The following PALS2 variants were observed in gnomAD, a reference collection of about 807,000 sequenced individuals.
PALS2 encodes protein associated with LIN7 2, MAGUK p55 family member.
Under a neutral mutation model 61.6 loss-of-function variants are expected in PALS2, and 27 were observed. The ratio of observed to expected loss-of-function variants is 0.44; its 90% CI spans 0.32 to 0.60. The LOEUF is 0.60. Ranked by LOEUF, PALS2 falls within the 20% of genes least tolerant of loss-of-function variation. The probability of loss-of-function intolerance (pLI) is 0.05; values close to 1 mark genes in which losing one functional copy is unlikely to be tolerated. For missense variants in PALS2, 554 were observed against 639.4 expected (o/e 0.87, Z 1.44); for synonymous variants, 236 against 218.6 (o/e 1.08, Z -0.70).
intron 1 of PALS2, among the ~76,000 whole-genome samples, chr7:24,616,625 A>C (rs1417023187): frequency 6.6e-6 from 1 of 152,116 alleles, no homozygotes; most frequent in African/African-American, 2.4e-5. Flanking sequence ...CATCCAGTTT[A>C]TATTTTTTAA....
chr7:24,667,179 A>C (rs921240454), intron 8 of PALS2, among the ~76,000 whole-genome samples: 1 of 152,162 alleles, frequency 6.6e-6, no homozygotes, highest in Admixed American at 6.5e-5. Context: ...TAATATTTCA[A>C]ATCATCACTT....
At chr7:24,587,808 A>G (rs1479836364) in intron 1 of PALS2, among the ~76,000 whole-genome samples, 1 of 152,138 alleles carries the variant, frequency 6.6e-6, no homozygotes, top group Non-Finnish European at 1.5e-5. Context: ...ACATCTTACA[A>G]CCATGACCAT....
chr7:24,652,435 A>G (rs1048603350), intron 5 of PALS2, among the ~76,000 whole-genome samples: 2 of 151,878 alleles, frequency 1.3e-5, no homozygotes, highest in African/African-American at 4.8e-5. Context: ...ACCCTCTCAA[A>G]CTCTGCTTTT....
At chr7:24,655,835 A>G (rs1583957878) in intron 5 of PALS2, among the ~76,000 whole-genome samples, 1 of 151,940 alleles carries the variant, frequency 6.6e-6, no homozygotes, top group South Asian at 2.1e-4. Flanking sequence ...TAATTTTTAT[A>G]TGATTTTTAA....
chr7:24,653,953 A>T (rs569749312), intron 5 of PALS2, among the ~76,000 whole-genome samples: 21 of 152,318 alleles, frequency 1.4e-4, no homozygotes, highest in African/African-American at 5.1e-4. Flanking sequence ...ACTATTGGGG[A>T]AGTGGTGATC....
intron 9 of PALS2, among the ~76,000 whole-genome samples, chr7:24,678,803 T>C (rs1361487848): frequency 1.3e-5 from 2 of 152,184 alleles, no homozygotes; most frequent in African/African-American, 4.8e-5. Context: ...TTTGGGGGAC[T>C]ACCTCTTAAA....
At chr7:24,597,552 A>G (rs1469509166) in intron 1 of PALS2, among the ~76,000 whole-genome samples, 1 of 152,174 alleles carries the variant, frequency 6.6e-6, no homozygotes, top group Non-Finnish European at 1.5e-5. Context: ...CTATTTAAGG[A>G]TGGAGAAGAT....
chr7:24,601,729 T>G (rs560081840), intron 1 of PALS2, among the ~76,000 whole-genome samples: 58 of 152,272 alleles, frequency 3.8e-4, no homozygotes, highest in African/African-American at 1.2e-3. Context: ...TCCTCACACT[T>G]GATTGATGGT....
chr7:24,639,997 A>G (rs530953297), intron 2 of PALS2, among the ~76,000 whole-genome samples: 14 of 151,684 alleles, frequency 9.2e-5, no homozygotes, highest in Admixed American at 5.3e-4. Context: ...TTGTATTCTT[A>G]GTAGAGATGG....
chr7:24,595,769 C>A (rs375217415), intron 1 of PALS2, among the ~76,000 whole-genome samples: 1 of 150,360 alleles, frequency 6.7e-6, no homozygotes. Flanking sequence ...AGGGTGGTAG[C>A]GTAGTTTAGA....
intron 1 of PALS2, among the ~76,000 whole-genome samples, chr7:24,597,936 T>C (rs933486471): frequency 6.6e-6 from 1 of 152,158 alleles, no homozygotes. Context: ...TGTTTCTTTT[T>C]GTAGGACCAG....
rs1292319544 is a variant in PALS2 at position 24,689,717 on chromosome 7, T to C, written c.*2103T>C. On this transcript the variant is annotated 3_prime_UTR_variant, in exon 12 of 12. Transcript: ENST00000222644. ...TAACAGTGGAAACTTTCAAACTACA[T>C]GTGTTTACACCAAATTCTTGGCTTC... 1 of 152,096 alleles carries C rather than the reference T, an allele frequency of 6.6e-6. No homozygotes were observed. Among genetic ancestry groups the C allele is most frequent in the African/African-American group, 2.4e-5 (1 of 41,428 alleles). The allele number at this position is 152,096 out of a possible 1,614,324, so 9.4% of individuals were successfully genotyped here.
At chr7:24,669,404 G>A (rs1583983487) in intron 9 of PALS2, among the ~76,000 whole-genome samples, 2 of 152,206 alleles carry the variant, frequency 1.3e-5, no homozygotes, top group African/African-American at 4.8e-5. Context: ...GTCTCTGACT[G>A]TAGGGACTAA....
chr7:24,588,983 A>T (rs1783178773), intron 1 of PALS2: 2 of 152,212 alleles, frequency 1.3e-5, no homozygotes, highest in South Asian at 2.1e-4. Flanking sequence ...CTGCCTATGT[A>T]TAACAACTAC....
chr7:24,605,268 A>G (rs1187159254), intron 1 of PALS2, among the ~76,000 whole-genome samples: 1 of 152,210 alleles, frequency 6.6e-6, no homozygotes, highest in African/African-American at 2.4e-5. Flanking sequence ...ATTCATTAGG[A>G]TGTTCACTGC....
chr7:24,595,505 A>G, intron 1 of PALS2, among the ~76,000 whole-genome samples: 1 of 108,444 alleles, frequency 9.2e-6, no homozygotes. Flanking sequence ...TTTTTAATAT[A>G]TATAATATAT....
At chr7:24,647,884 C>T (rs1785924149) in intron 3 of PALS2, among the ~76,000 whole-genome samples, 1 of 152,032 alleles carries the variant, frequency 6.6e-6, no homozygotes. Flanking sequence ...CAAATTTTTA[C>T]TATAAAAATC....
intron 1 of PALS2, among the ~76,000 whole-genome samples, chr7:24,619,584 G>T (rs900731066): frequency 5.9e-5 from 9 of 151,950 alleles, no homozygotes; most frequent in South Asian, 2.1e-4. Flanking sequence ...TGGCCGTGGT[G>T]GTGGGTGCCT....
intron 1 of PALS2, among the ~76,000 whole-genome samples, chr7:24,602,390 G>T (rs1293527500): frequency 6.6e-6 from 1 of 152,064 alleles, no homozygotes; most frequent in Non-Finnish European, 1.5e-5. Context: ...CATTAAGAGT[G>T]GGGGACTAAA....
Sources: allele counts gnomAD v4.1 joint callset (sites outside exome capture counted in the v4.1 genomes callset), GRCh38; gene constraint gnomAD v4.1.1; transcripts MANE v1.5; gene names NCBI Gene and HGNC (gene_info 2026-07-23, HGNC 2026-07-21).